EXOC6B: variants seen among roughly 807,000 people sequenced by gnomAD.
The protein encoded by EXOC6B is exocyst complex component 6B.
EXOC6B carries 54 observed loss-of-function variants against 113.5 expected under a neutral mutation model. The ratio of observed to expected loss-of-function variants is 0.48; its 90% confidence interval spans 0.38 to 0.60. The LOEUF is 0.60. EXOC6B is among the 20% of genes least tolerant of loss of function. The pLI is 0.00. For missense variants in EXOC6B, 797 were observed against 977.5 expected (o/e 0.82, Z 2.46); for synonymous variants, 357 against 339.0 (o/e 1.05, Z -0.58).
At chr2:72,269,724 G>A (rs2104621375) in intron 20 of EXOC6B, among the ~76,000 whole-genome samples, 1 of 152,248 alleles carries the variant, frequency 6.6e-6, no homozygotes, top group Non-Finnish European at 1.5e-5. Context: ...TGACTAAGCT[G>A]CTTAACCTCT....
chr2:72,320,115 G>A (rs879673466), intron 20 of EXOC6B, among the ~76,000 whole-genome samples: 9 of 151,208 alleles, frequency 6.0e-5, no homozygotes, highest in South Asian at 2.1e-4. Flanking sequence ...GATTACAGGC[G>A]TGAGCCACCA....
In EXOC6B at chr2:72,379,850, C is replaced by T. The variant is rs1448539943; in HGVS notation, c.2001G>A (p.Ala667=). 16 of 1,611,516 alleles carry T rather than the reference C, an allele frequency of 9.9e-6. No homozygotes were observed. Among genetic ancestry groups the T allele is most frequent in the Middle Eastern group, 1.7e-4 (1 of 6,052 alleles). The part of the protein sequence containing the change: ...THLPGKVAQT[A]CMSACKHLAT... ...CTAAATGCTTGCAAGCTGACATACA[C>T]GCTGTCTGGGCCACCTTTCCCTGAA... The change falls in exon 19 of 22, where the codon GCG becomes GCA. Residue 667 remains alanine (A), a synonymous_variant. Coordinates refer to ENST00000272427, the MANE Select transcript of EXOC6B (RefSeq NM_015189.3).
intron 6 of EXOC6B, among the ~76,000 whole-genome samples, chr2:72,683,536 A>G (rs1676865299): frequency 6.6e-6 from 1 of 152,190 alleles, no homozygotes; most frequent in South Asian, 2.1e-4. Context: ...ATTTATACAT[A>G]AGCAAAAATC....
At chr2:72,412,427 GT>G (rs1416353490) in intron 18 of EXOC6B, among the ~76,000 whole-genome samples, 1 of 152,184 alleles carries the variant, frequency 6.6e-6, no homozygotes, top group Admixed American at 6.5e-5. Context: ...GTCATTGCAA[GT>G]CATAGATACA....
At chr2:72,676,139 AAAGAAG>A (rs1362732570) in intron 6 of EXOC6B, among the ~76,000 whole-genome samples, 2 of 151,810 alleles carry the variant, frequency 1.3e-5, no homozygotes, top group East Asian at 1.9e-4. Flanking sequence ...AAAAAAAAAA[AAAGAAG>A]AAGAAGAAGA....
chr2:72,627,536 T>C (rs1248224976), intron 6 of EXOC6B, among the ~76,000 whole-genome samples: 1 of 152,186 alleles, frequency 6.6e-6, no homozygotes, highest in Non-Finnish European at 1.5e-5. Flanking sequence ...AAGTATTATA[T>C]TTTTATATTC....
chr2:72,416,741 C>A (rs1406163362), intron 18 of EXOC6B, among the ~76,000 whole-genome samples: 2 of 152,090 alleles, frequency 1.3e-5, no homozygotes, highest in Admixed American at 1.3e-4. Flanking sequence ...ATAGAATATG[C>A]CTCCTCTCCA....
chr2:72,498,657 C>A, intron 12 of EXOC6B, 106 bp from the exon 13 acceptor site: 1 of 620,664 alleles, frequency 1.6e-6, no homozygotes, highest in Non-Finnish European at 2.7e-6. Flanking sequence ...AAAAACATTA[C>A]ATTCTTTGAA....
At chr2:72,474,058 T>G (rs1035405563) in intron 17 of EXOC6B, among the ~76,000 whole-genome samples, 1 of 152,064 alleles carries the variant, frequency 6.6e-6, no homozygotes, top group Admixed American at 6.6e-5. Context: ...TGTTTTTTTT[T>G]TTTCTTGTTT....
At chr2:72,228,894 T>C (rs1466775804) in intron 20 of EXOC6B, among the ~76,000 whole-genome samples, 8 of 152,186 alleles carry the variant, frequency 5.3e-5, no homozygotes, top group Non-Finnish European at 1.2e-4. Flanking sequence ...AGTGTAAAAG[T>C]GTTCCTATTT....
Position 72,674,748 on chromosome 2 carries a change from G to A in EXOC6B, c.669+43355C>T, listed in dbSNP as rs564027378. ...CAGGAGGCAGAGCTTGCAGTGAGCCGAGATGGCACCACTGCACTCCAGCCT... is the reference window on the plus strand; with the variant it reads ...CAGGAGGCAGAGCTTGCAGTGAGCCAAGATGGCACCACTGCACTCCAGCCT... On this transcript the variant is annotated intron_variant, in intron 6 of 21. Coordinates refer to ENST00000272427, the MANE Select transcript of EXOC6B (RefSeq NM_015189.3). Among the ~76,000 whole-genome samples the A allele has an allele frequency of 1.8e-3, 274 of 151,880 alleles. 1 individual carries two copies. Among genetic ancestry groups the A allele is most frequent in the African/African-American group, 6.1e-3 (254 of 41,428 alleles).
rs563572185 is a variant in EXOC6B, at chr2:72,515,539, G to C, written c.916-413C>G. 27 of 1,007,482 alleles carry C rather than the reference G, an allele frequency of 2.7e-5. No homozygotes were observed. In the South Asian group the frequency reaches 1.0e-3, roughly 38 times the overall value. The allele number at this position is 1,007,482 out of a possible 1,614,324, so 62.4% of individuals were successfully genotyped here. A position where few individuals can be genotyped will look rare whatever the true frequency, so the allele number is the denominator to read the frequency against. On this transcript the variant is annotated intron_variant, in intron 8 of 21. Coordinates refer to ENST00000272427, the MANE Select transcript of EXOC6B (RefSeq NM_015189.3). ...AATAAAAATGAATCATGAACAAAGG[G>C]GCAATGGGAAGCAGGAAAAAAGCAG... is the stretch of plus-strand genomic sequence containing the variant.
chr2:72,595,237 G>A (rs146480581), intron 6 of EXOC6B, among the ~76,000 whole-genome samples: 1,810 of 149,154 alleles, frequency 0.012, 33 homozygotes, highest in African/African-American at 0.041. Context: ...CTCCAGCCTG[G>A]GCAACAGAGC....
At chr2:72,458,331 T>G (rs1697379393) in intron 18 of EXOC6B, among the ~76,000 whole-genome samples, 2 of 152,136 alleles carry the variant, frequency 1.3e-5, no homozygotes, top group African/African-American at 4.8e-5. Context: ...CAGGGTTCCA[T>G]GAGGAAATTA....
intron 18 of EXOC6B, among the ~76,000 whole-genome samples, chr2:72,386,950 C>T (rs1367169541): frequency 6.6e-6 from 1 of 152,190 alleles, no homozygotes; most frequent in Admixed American, 6.5e-5. Flanking sequence ...TTCATTCATA[C>T]AGTTGCCTTT....
chr2:72,270,175 G>T (rs1684397696), intron 20 of EXOC6B, among the ~76,000 whole-genome samples: 1 of 152,060 alleles, frequency 6.6e-6, no homozygotes, highest in Non-Finnish European at 1.5e-5. Context: ...CAAAAGCATA[G>T]GTTCCAGAGG....
Position 72,530,130 on chromosome 2 carries a change from G to A in EXOC6B, c.916-15004C>T, listed in dbSNP as rs185393278. Among the ~76,000 whole-genome samples, 24 of 152,212 alleles carry A rather than the reference G, an allele frequency of 1.6e-4. No individual in the cohort carries two copies. In the East Asian group the frequency reaches 4.6e-3, roughly 29 times the overall value. ...ACTGTTTCCTGCTTTCAATGTCAAT[G>A]ATTTTGGCTCTTATTATTCTTCCAT... On this transcript the variant is annotated intron_variant, in intron 8 of 21. Coordinates refer to ENST00000272427, the MANE Select transcript of EXOC6B (RefSeq NM_015189.3).
At chr2:72,492,938 T>C (rs951616731) in intron 15 of EXOC6B, among the ~76,000 whole-genome samples, 1 of 152,174 alleles carries the variant, frequency 6.6e-6, no homozygotes, top group Non-Finnish European at 1.5e-5. Context: ...ATGCCTTTCA[T>C]TATTTTTTTG....
chr2:72,757,008 T>C (rs1407572300), intron 1 of EXOC6B, among the ~76,000 whole-genome samples: 1 of 152,182 alleles, frequency 6.6e-6, no homozygotes, highest in Admixed American at 6.5e-5. Context: ...ACTAATACAA[T>C]GTTTAGATGA....
Sources: gnomAD v4.1 joint callset for allele counts (sites outside exome capture counted in the v4.1 genomes callset) on GRCh38, gnomAD v4.1.1 for gene constraint, MANE v1.5 for transcripts, NCBI Gene and HGNC (gene_info 2026-07-23, HGNC 2026-07-21) for gene names.